SDK1: variants seen among roughly 807,000 people sequenced by gnomAD.
SDK1 encodes the protein sidekick cell adhesion molecule 1.
A neutral mutation model predicts 245.5 loss-of-function variants in SDK1; 157 were observed. The ratio of observed to expected loss-of-function variants is 0.64; its 90% CI spans 0.56 to 0.73. SDK1 has a LOEUF of 0.73. Among genes scored for constraint, SDK1 ranks in the 30% least tolerant of loss-of-function variants. The pLI, the probability that SDK1 is intolerant of heterozygous loss-of-function variation, is 0.00. For missense variants in SDK1, 3,583 were observed against 3,002.3 expected (o/e 1.19, Z -4.52); for synonymous variants, 1,647 against 1,278.5 (o/e 1.29, Z -6.15).
At chr7:4,075,811 T>C (rs34656116) in intron 20 of SDK1, among the ~76,000 whole-genome samples, 48,645 of 151,966 alleles carry the variant, frequency 0.32, 8,184 homozygotes, top group Middle Eastern at 0.41. Context: ...CCCACCACCA[T>C]GCATGGCTAA....
intron 4 of SDK1, among the ~76,000 whole-genome samples, chr7:3,701,940 A>G (rs1034946914): frequency 6.6e-5 from 10 of 151,240 alleles, no homozygotes; most frequent in East Asian, 3.9e-4. Flanking sequence ...AAAAAAAAAA[A>G]AAAAAGAAAA....
chr7:3,342,679 A>G (rs1354935742), intron 1 of SDK1, among the ~76,000 whole-genome samples: 1 of 152,256 alleles, frequency 6.6e-6, no homozygotes, highest in Non-Finnish European at 1.5e-5. Flanking sequence ...CCATAAAAGA[A>G]AAACTTGGTA....
intron 2 of SDK1, among the ~76,000 whole-genome samples, chr7:3,627,130 T>C (rs563052620): frequency 1.3e-5 from 2 of 152,080 alleles, no homozygotes; most frequent in Non-Finnish European, 2.9e-5. Context: ...GGTTTCACTA[T>C]GTTGCCGAGG....
chr7:3,779,692 G>C (rs1259333805), intron 4 of SDK1, among the ~76,000 whole-genome samples: 1 of 152,068 alleles, frequency 6.6e-6, no homozygotes, highest in African/African-American at 2.4e-5. Flanking sequence ...CAGCACTTTG[G>C]GAGGCCGAGG....
At chr7:4,070,710 A>AC (rs1780196811) in intron 20 of SDK1, among the ~76,000 whole-genome samples, 1 of 143,890 alleles carries the variant, frequency 6.9e-6, no homozygotes, top group Admixed American at 7.0e-5. Flanking sequence ...CACCTCTCAA[A>AC]TTTTTTTTTT....
At chr7:3,490,797 ATTTG>A (rs1781841868) in intron 1 of SDK1, among the ~76,000 whole-genome samples, 2 of 152,170 alleles carry the variant, frequency 1.3e-5, no homozygotes, top group African/African-American at 4.8e-5. Flanking sequence ...CACATCCCAC[ATTTG>A]GGTAGATGCC....
chr7:3,829,089 C>A (rs1201218634), intron 5 of SDK1, among the ~76,000 whole-genome samples: 1 of 152,040 alleles, frequency 6.6e-6, no homozygotes, highest in East Asian at 1.9e-4. Flanking sequence ...TATTTAGATT[C>A]CTTTGAATAC....
intron 44 of SDK1, among the ~76,000 whole-genome samples, chr7:4,258,217 A>G (rs1787745554): frequency 6.6e-6 from 1 of 152,208 alleles, no homozygotes; most frequent in Non-Finnish European, 1.5e-5. Flanking sequence ...CTCATTCTCT[A>G]AGCAGTTCTG....
chr7:3,621,605 C>T (rs1781940674), intron 2 of SDK1, among the ~76,000 whole-genome samples: 1 of 152,184 alleles, frequency 6.6e-6, no homozygotes, highest in South Asian at 2.1e-4. Flanking sequence ...TTTTCTGAAA[C>T]TGAATTCCCC....
At chr7:4,174,409 C>T (rs4723445) in intron 33 of SDK1, 52 bp downstream of exon 33, 884,812 of 1,584,848 alleles carry the variant, frequency 0.56, 250,153 homozygotes, top group East Asian at 0.76. Flanking sequence ...CCAGGGGACC[C>T]TTGGTATCTG....
intron 5 of SDK1, among the ~76,000 whole-genome samples, chr7:3,824,566 G>A (rs563829790): frequency 4.6e-5 from 7 of 152,266 alleles, no homozygotes; most frequent in Admixed American, 6.5e-5. Flanking sequence ...GGACAGCACC[G>A]TGTTAGAGTG....
chr7:3,310,880 G>T (rs1328257387), intron 1 of SDK1, among the ~76,000 whole-genome samples: 1 of 152,180 alleles, frequency 6.6e-6, no homozygotes, highest in Non-Finnish European at 1.5e-5. Context: ...TATCCCTGAA[G>T]AATTGTGTAA....
chr7:3,925,192 C>G (rs1252448949), intron 5 of SDK1, among the ~76,000 whole-genome samples: 1 of 152,070 alleles, frequency 6.6e-6, no homozygotes, highest in Non-Finnish European at 1.5e-5. Flanking sequence ...CCAGATGGCA[C>G]CCCCTGCCAT....
chr7:3,830,171 G>T (rs1320041825), intron 5 of SDK1, among the ~76,000 whole-genome samples: 1 of 152,092 alleles, frequency 6.6e-6, no homozygotes, highest in Non-Finnish European at 1.5e-5. Context: ...TTCACCCAGG[G>T]AGTAAGGCAA....
At chr7:4,073,559 T>G (rs577183662) in intron 20 of SDK1, among the ~76,000 whole-genome samples, 63 of 152,222 alleles carry the variant, frequency 4.1e-4, no homozygotes, top group Middle Eastern at 3.2e-3. Context: ...GAAAAACAGC[T>G]TTTAAACAAA....
At chr7:3,588,358 A>G (rs748544723) in intron 1 of SDK1, among the ~76,000 whole-genome samples, 8 of 152,392 alleles carry the variant, frequency 5.2e-5, no homozygotes, top group Admixed American at 1.3e-4. Flanking sequence ...TTTTAGTTGT[A>G]TACTAATGAG....
intron 1 of SDK1, among the ~76,000 whole-genome samples, chr7:3,553,524 G>A (rs1779483492): frequency 1.3e-5 from 2 of 152,140 alleles, no homozygotes; most frequent in African/African-American, 4.8e-5. Flanking sequence ...CCCATCAGGA[G>A]AGGCAGACCT....
chr7:3,850,664 A>G (rs1780396224), intron 5 of SDK1, among the ~76,000 whole-genome samples: 1 of 152,198 alleles, frequency 6.6e-6, no homozygotes, highest in East Asian at 1.9e-4. Context: ...ACACCATGGA[A>G]TACTATGCGG....
chr7:4,217,563 ACACCACCC>A (rs1784901911), intron 38 of SDK1, among the ~76,000 whole-genome samples: 1 of 144,776 alleles, frequency 6.9e-6, no homozygotes, highest in Non-Finnish European at 1.5e-5. Flanking sequence ...CCGGAGAACC[ACACCACCC>A]GGAGCACCAC....
Sources: allele counts gnomAD v4.1 joint callset (sites outside exome capture counted in the v4.1 genomes callset), GRCh38; gene constraint gnomAD v4.1.1; transcripts MANE v1.5; gene names NCBI Gene and HGNC (gene_info 2026-07-23, HGNC 2026-07-21).